The following NRXN3 variants were observed in gnomAD, a reference collection of about 807,000 sequenced individuals.
The protein encoded by NRXN3 is neurexin III.
A neutral mutation model predicts 137.6 loss-of-function variants in NRXN3; 32 were observed. The observed-to-expected ratio is 0.23, with a 90% CI of 0.18 to 0.31. NRXN3 has a LOEUF of 0.31. Among genes scored for constraint, NRXN3 ranks in the 10% least tolerant of loss-of-function variants. The pLI is 1.00. For synonymous variants in NRXN3, 798 were observed against 784.5 expected (o/e 1.02, Z -0.29); for missense variants, 1,574 against 2,062.5 (o/e 0.76, Z 4.59).
intron 10 of NRXN3, among the ~76,000 whole-genome samples, chr14:78,829,285 T>G (rs1445550720): frequency 1.3e-5 from 2 of 152,186 alleles, no homozygotes; most frequent in East Asian, 1.9e-4. Flanking sequence ...CAGCCTTTCA[T>G]GTCAAAATGT....
intron 6 of NRXN3, among the ~76,000 whole-genome samples, chr14:78,690,300 T>C (rs1489096262): frequency 2.0e-5 from 3 of 152,166 alleles, no homozygotes; most frequent in Non-Finnish European, 4.4e-5. Flanking sequence ...AGGAAGTAGA[T>C]TGAAGGAGGG....
chr14:79,116,462 C>T (rs1382022647), intron 15 of NRXN3, among the ~76,000 whole-genome samples: 1 of 152,158 alleles, frequency 6.6e-6, no homozygotes, highest in Non-Finnish European at 1.5e-5. Flanking sequence ...ACGCATACAC[C>T]ACAGTCATAA....
chr14:79,812,994 GTA>G (rs147637259), intron 20 of NRXN3, among the ~76,000 whole-genome samples: 13 of 149,946 alleles, frequency 8.7e-5, no homozygotes, highest in Admixed American at 1.3e-4. Context: ...TGTACTGTGT[GTA>G]TATATATATA....
chr14:79,470,134 A>C (rs2096481847), intron 16 of NRXN3, among the ~76,000 whole-genome samples: 1 of 152,172 alleles, frequency 6.6e-6, no homozygotes, highest in Non-Finnish European at 1.5e-5. Context: ...GAAGGGATTG[A>C]GCATAAGGCA....
At chr14:78,290,018 A>T (rs1159567141) in intron 3 of NRXN3, among the ~76,000 whole-genome samples, 1 of 152,212 alleles carries the variant, frequency 6.6e-6, no homozygotes, top group Admixed American at 6.5e-5. Context: ...GCTGTTCTGC[A>T]TGTTGACATG....
chr14:79,568,652 C>A (rs1160500668), intron 16 of NRXN3, among the ~76,000 whole-genome samples: 2 of 152,222 alleles, frequency 1.3e-5, no homozygotes, highest in African/African-American at 2.4e-5. Flanking sequence ...ATTAATGGAC[C>A]AAAGTTTGGT....
chr14:79,482,288 G>A (rs1368352370), intron 16 of NRXN3, among the ~76,000 whole-genome samples: 4 of 152,162 alleles, frequency 2.6e-5, no homozygotes, highest in Non-Finnish European at 5.9e-5. Context: ...GGGCAAGATG[G>A]AATTGGTTAG....
intron 1 of NRXN3, among the ~76,000 whole-genome samples, chr14:78,195,958 C>T (rs1178995467): frequency 6.6e-6 from 1 of 152,192 alleles, no homozygotes; most frequent in Non-Finnish European, 1.5e-5. Flanking sequence ...GCACCTTATC[C>T]ATGGTCACAC....
chr14:79,488,428 G>A (rs1159576995), intron 16 of NRXN3, among the ~76,000 whole-genome samples: 1 of 152,186 alleles, frequency 6.6e-6, no homozygotes, highest in Admixed American at 6.5e-5. Flanking sequence ...GAGTGTGTGT[G>A]TGTTCTGACG....
chr14:78,791,656 CAAAAG>C (rs1394945236), intron 8 of NRXN3, among the ~76,000 whole-genome samples: 1 of 152,068 alleles, frequency 6.6e-6, no homozygotes, highest in Non-Finnish European at 1.5e-5. Context: ...GACTGAGAAT[CAAAAG>C]AAAAGTCACC....
intron 16 of NRXN3, among the ~76,000 whole-genome samples, chr14:79,598,867 C>A (rs184074190): frequency 2.0e-5 from 3 of 152,266 alleles, no homozygotes; most frequent in African/African-American, 7.2e-5. Context: ...AATGCTGCTT[C>A]CCTGATAAAC....
intron 16 of NRXN3, among the ~76,000 whole-genome samples, chr14:79,563,607 TG>T (rs1266898783): frequency 6.6e-6 from 1 of 151,844 alleles, no homozygotes; most frequent in Non-Finnish European, 1.5e-5. Context: ...TGTCAAAATT[TG>T]GTCTCGTTAA....
chr14:79,409,683 A>G (rs2095384313), intron 15 of NRXN3, among the ~76,000 whole-genome samples: 3 of 148,850 alleles, frequency 2.0e-5, no homozygotes, highest in South Asian at 2.1e-4. Flanking sequence ...TGAAATGCCT[A>G]CATTACATAA....
chr14:78,470,746 C>T (rs891249578), intron 4 of NRXN3, among the ~76,000 whole-genome samples: 1 of 152,144 alleles, frequency 6.6e-6, no homozygotes, highest in Admixed American at 6.5e-5. Context: ...ATGGTTTCAT[C>T]TATGACAATG....
At chr14:79,460,869 T>C (rs2096327575) in intron 15 of NRXN3, among the ~76,000 whole-genome samples, 1 of 152,190 alleles carries the variant, frequency 6.6e-6, no homozygotes, top group Non-Finnish European at 1.5e-5. Flanking sequence ...AAAAGAATGT[T>C]CTTAAAAATA....
At position 78,243,467 on chromosome 14, in the gene NRXN3, T is replaced by G; in HGVS notation, c.374T>G (p.Leu125Arg). 6.3e-7 allele frequency: 1 copy of G among 1,583,902 alleles called. No individual in the cohort carries two copies. The highest frequency in any genetic ancestry group is 8.5e-7 in the Non-Finnish European group (1 of 1,172,686). ...GACCGCCTGCGCACGGTGCTGATGC[T>G]TGATGGCGAGGGCCAGTCTGGGGAG... ...SRDRLRTVLM[L>R]DGEGQSGELQ... The change falls in exon 2 of 21, where the codon CTT becomes CGT. Residue 125 changes from leucine to arginine, a missense_variant. By Grantham distance (102) the Leu-to-Arg change is moderately radical. This residue lies in a region of NRXN3 where 400 missense variants were observed against 527.3 expected (regional missense o/e 0.76). Coordinates refer to ENST00000335750, the MANE Select transcript of NRXN3 (RefSeq NM_001330195.2). This position sits in a 1 kb window ranked among gnomAD's most constrained non-coding sequence, Gnocchi z 4.2.
chr14:78,763,419 G>A (rs2098699130), intron 8 of NRXN3, among the ~76,000 whole-genome samples: 1 of 151,844 alleles, frequency 6.6e-6, no homozygotes. Flanking sequence ...GAGATAATAG[G>A]CATACAGTGT....
At chr14:78,766,806 T>C (rs573846852) in intron 8 of NRXN3, among the ~76,000 whole-genome samples, 2 of 152,300 alleles carry the variant, frequency 1.3e-5, no homozygotes, top group East Asian at 3.9e-4. Context: ...CAGACTGTTA[T>C]TAATTATATT....
At chr14:78,205,238 A>C (rs530077386) in intron 1 of NRXN3, among the ~76,000 whole-genome samples, 103 of 152,356 alleles carry the variant, frequency 6.8e-4, no homozygotes, top group African/African-American at 2.4e-3. Flanking sequence ...TGACAATGAC[A>C]AGCATAATGG....
Sources: gnomAD v4.1 joint callset for allele counts (sites outside exome capture counted in the v4.1 genomes callset) on GRCh38, gnomAD v4.1.1 for gene constraint, gnomAD v4.1.1 regional missense constraint, Gnocchi (gnomAD v3.1) non-coding constraint, MANE v1.5 for transcripts, NCBI Gene and HGNC (gene_info 2026-07-23, HGNC 2026-07-21) for gene names.